Variants in TECPR1 observed in about 807,000 individuals in gnomAD.
TECPR1 encodes the protein tectonin beta-propeller repeat-containing protein 1.
A neutral mutation model predicts 162.4 loss-of-function variants in TECPR1; 122 were observed. The observed-to-expected ratio is 0.75, with a 90% CI of 0.65 to 0.87. The LOEUF is 0.87. TECPR1 is among the 40% of genes least tolerant of loss of function. The pLI, the probability that TECPR1 is intolerant of heterozygous loss-of-function variation, is 0.00. For missense variants in TECPR1, 1,432 were observed against 1,618.2 expected, an observed-to-expected ratio of 0.88 and a Z score of 1.97; for synonymous variants, 642 against 670.6, an observed-to-expected ratio of 0.96 and a Z score of 0.66.
chr7:98,221,097 T>C (rs1798128587), intron 23 of TECPR1, among the ~76,000 whole-genome samples: 1 of 149,304 alleles, frequency 6.7e-6, no homozygotes, highest in Non-Finnish European at 1.5e-5. Context: ...AGGTCAGGAG[T>C]TTGAGACCAG....
chr7:98,225,555 G>A (rs745364938), intron 17 of TECPR1, among the ~76,000 whole-genome samples: 2 of 151,676 alleles, frequency 1.3e-5, no homozygotes, highest in African/African-American at 2.4e-5. Context: ...AAAAAAAGGC[G>A]GGGGGAGGGG....
intron 10 of TECPR1, among the ~76,000 whole-genome samples, chr7:98,235,849 A>AAAAAAAAAAAAAAAAAAAAAAAAACAC: frequency 9.1e-6 from 1 of 110,252 alleles, no homozygotes; most frequent in African/African-American, 3.1e-5. Flanking sequence ...AAAAAAAAAA[A>AAAAAAAAAAAAAAAAAAAAAAAAACAC]AACACCATCT....
chr7:98,249,182 A>C (rs1172696699), intron 2 of TECPR1, among the ~76,000 whole-genome samples: 1 of 152,160 alleles, frequency 6.6e-6, no homozygotes, highest in African/African-American at 2.4e-5. Context: ...TGGCTGGGAC[A>C]AGGTATATCT....
In TECPR1 at chr7:98,233,928, G is replaced by A; in HGVS notation, c.1182-17C>T. 6.6e-7 allele frequency: 1 copy of A among 1,505,482 alleles called. No homozygotes were observed. The highest frequency in any genetic ancestry group is 8.9e-7 in the Non-Finnish European group (1 of 1,120,250). 93.3% of individuals were successfully genotyped at this position (1,505,482 alleles called of 1,614,324 possible). A position where few individuals can be genotyped will look rare whatever the true frequency, so the allele number is the denominator to read the frequency against. On this transcript the variant is annotated splice_polypyrimidine_tract_variant and intron_variant, in intron 10 of 25. Transcript: ENST00000447648. ...CAGCCGGCACTGGGGACAAATCAGG[G>A]CAGACCCATCACTCCCTTGCAGGGG...
Position 98,244,694 on chromosome 7 carries a change from C to T in TECPR1, c.409-1G>A. The T allele has an allele frequency of 6.2e-7, 1 of 1,607,386 alleles. No homozygotes were observed. Among genetic ancestry groups the T allele is most frequent in the Non-Finnish European group, 8.5e-7 (1 of 1,175,788 alleles). On this transcript the variant is annotated splice_acceptor_variant, in intron 4 of 25. Transcript: ENST00000447648. LOFTEE classifies it high-confidence loss of function. ...GAAAGTCGATGGCGTACGTCCACCC[C>T]TGAAACACCAAGGAAGGGGCTCTCA...
Position 98,245,330 on chromosome 7 carries a change from C to T in TECPR1, c.226-263G>A, listed in dbSNP as rs541579058. Among the ~76,000 whole-genome samples the T allele has an allele frequency of 5.3e-5, 8 of 152,356 alleles. No homozygotes were observed. The South Asian group carries it at 1.0e-3, about 20-fold the overall frequency. On this transcript the variant is annotated intron_variant, in intron 3 of 25. Transcript: ENST00000447648. ...GCCACGGCGCTGTGAGCAGGGCAGG[C>T]GGTGGAGGGCACACCTTGTCCTAGG...
At chr7:98,248,053 T>C (rs1157598703) in intron 2 of TECPR1, among the ~76,000 whole-genome samples, 1 of 152,206 alleles carries the variant, frequency 6.6e-6, no homozygotes, top group Admixed American at 6.5e-5. Flanking sequence ...CTGTGCTTTG[T>C]AGGCATAGCC....
intron 23 of TECPR1, among the ~76,000 whole-genome samples, chr7:98,219,287 A>G (rs1330490370): frequency 6.6e-6 from 1 of 152,192 alleles, no homozygotes; most frequent in Non-Finnish European, 1.5e-5. Flanking sequence ...TACAAATTCT[A>G]TAAAAAAAAC....
At chr7:98,228,235 C>A in intron 16 of TECPR1, 119 bp from the exon 17 acceptor site, 1 of 775,246 alleles carries the variant, frequency 1.3e-6, no homozygotes, top group East Asian at 2.7e-5. Context: ...GCCAGGTCAG[C>A]GGAGAGGAGC....
intron 3 of TECPR1, 33 bp from the exon 4 acceptor site, chr7:98,245,100 C>T: frequency 6.4e-7 from 1 of 1,554,718 alleles, no homozygotes; most frequent in Non-Finnish European, 8.7e-7. Context: ...CGGCCTTGGA[C>T]CCAAGCCTGC....
chr7:98,218,126 C>A, intron 23 of TECPR1, 84 bp from the exon 24 acceptor site: 1 of 1,103,042 alleles, frequency 9.1e-7, no homozygotes, highest in African/African-American at 1.6e-5. Flanking sequence ...GTGGCCAGGC[C>A]CCGCTCTAAC....
Position 98,245,169 on chromosome 7 carries a change from C to A in TECPR1, c.226-102G>T, listed in dbSNP as rs576418662. ...GGACCAGCTGACCCTGCCCAGCCGA[C>A]CCCCTCATTGATCTCCAGAATAGGA... On this transcript the variant is annotated intron_variant, in intron 3 of 25. Transcript: ENST00000447648. 2.3e-6 allele frequency: 3 copies of A among 1,294,592 alleles called. No homozygotes were observed. The East Asian group carries it at 7.6e-5, about 33-fold the overall frequency. 80.2% of individuals were successfully genotyped at this position (1,294,592 alleles called of 1,614,324 possible).
rs74786155 is a variant in TECPR1 at position 98,222,736 on chromosome 7, G to A, written c.2929-215C>T. ...GAGCAGGGAAAGCGCCCCCGTGGGCGTGTGCACCTCACCGGGGTGCTGACC... is the reference window on the plus strand; with the variant it reads ...GAGCAGGGAAAGCGCCCCCGTGGGCATGTGCACCTCACCGGGGTGCTGACC... On this transcript the variant is annotated intron_variant, in intron 21 of 25. Transcript: ENST00000447648. 3,002 of 786,072 alleles carry A rather than the reference G, an allele frequency of 3.8e-3. 40 individuals are homozygous for A. The highest frequency in any genetic ancestry group is 0.03 in the African/African-American group (1,756 of 58,008). The allele number at this position is 786,072 out of a possible 1,614,324, so 48.7% of individuals were successfully genotyped here.
chr7:98,228,845 C>T, intron 16 of TECPR1, 194 bp downstream of exon 16: 1 of 684,996 alleles, frequency 1.5e-6, no homozygotes, highest in Non-Finnish European at 2.3e-6. Flanking sequence ...ACCTTCGAGG[C>T]CCTCAGCTCG....
rs1798178094 is a variant in TECPR1 at position 98,222,857 on chromosome 7, G to T, written c.2928+133C>A. On this transcript the variant is annotated intron_variant, in intron 21 of 25. Coordinates refer to ENST00000447648, the MANE Select transcript of TECPR1 (RefSeq NM_015395.3). ...TCATTCCTGGGCCAACTGCCCCAGG[G>T]CACAGGGACCCACTCGGACCACAGG... 5 of 1,244,704 alleles carry T rather than the reference G, an allele frequency of 4.0e-6. No homozygotes were observed. In the Admixed American group the frequency reaches 9.8e-5, roughly 24 times the overall value. The allele number at this position is 1,244,704 out of a possible 1,614,324, so 77.1% of individuals were successfully genotyped here.
rs1452551412 is a variant in TECPR1, at chr7:98,217,817, G to A, written c.3265-6C>T. 6.5e-7 allele frequency: 1 copy of A among 1,549,130 alleles called. No homozygotes were observed. Among genetic ancestry groups the A allele is most frequent in the Non-Finnish European group, 8.7e-7 (1 of 1,145,826 alleles). On this transcript the variant is annotated splice_polypyrimidine_tract_variant and splice_region_variant and intron_variant, in intron 24 of 25. Coordinates refer to ENST00000447648, the MANE Select transcript of TECPR1 (RefSeq NM_015395.3). ...TTGTTGGCGATCACCCAGACCTGGA[G>A]CACAGACCCCATGAAGCCCTCAGCC...
chr7:98,237,168 G>A (rs77968419), intron 9 of TECPR1, among the ~76,000 whole-genome samples: 24,473 of 151,936 alleles, frequency 0.16, 2,101 homozygotes, highest in South Asian at 0.29. Flanking sequence ...CAAGGTCCAC[G>A]GGAAGTGGCG....
rs780161857 is a variant in TECPR1, at chr7:98,233,498, G to A, written c.1595C>T (p.Pro532Leu). Residue 532 changes from proline (P) to leucine (L), a missense_variant, in exon 11 of 26, where the codon CCG (proline) becomes CTG (leucine). Physicochemically the swap from Pro to Leu is moderately conservative, Grantham distance 98. Transcript: ENST00000447648. ...LEEPYGVDDH[P>L]LWAWVSGGGC... ...GCCTCCCGACACCCAGGCCCACAGC[G>A]GGTGGTCATCCACCCCATACGGCTC... is the stretch of plus-strand genomic sequence containing the variant. 1.9e-5 allele frequency: 28 copies of A among 1,512,608 alleles called. No individual in the cohort carries two copies. Among genetic ancestry groups the A allele is most frequent in the Admixed American group, 9.6e-5 (4 of 41,600 alleles). The allele number at this position is 1,512,608 out of a possible 1,614,324, so 93.7% of individuals were successfully genotyped here. A position where few individuals can be genotyped will look rare whatever the true frequency, so the allele number is the denominator to read the frequency against.
At chr7:98,236,134 T>C (rs537867884) in intron 10 of TECPR1, among the ~76,000 whole-genome samples, 2 of 152,306 alleles carry the variant, frequency 1.3e-5, no homozygotes, top group Admixed American at 6.5e-5. Flanking sequence ...CGCCTGCCTG[T>C]GCTCTCACGG....
Sources: allele counts gnomAD v4.1 joint callset (sites outside exome capture counted in the v4.1 genomes callset), GRCh38; gene constraint gnomAD v4.1.1; transcripts MANE v1.5; gene names NCBI Gene and HGNC (gene_info 2026-07-23, HGNC 2026-07-21).